Variants in ASTN2 observed in about 807,000 individuals in gnomAD.
ASTN2 encodes astrotactin-2.
ASTN2 carries 54 observed loss-of-function variants against 139.8 expected under a neutral mutation model. The ratio of observed to expected loss-of-function variants is 0.39; its 90% CI spans 0.31 to 0.48. The LOEUF (loss-of-function observed/expected upper bound fraction) is 0.48, where lower values mean the gene tolerates loss of function less well. Among genes scored for constraint, ASTN2 ranks in the 20% least tolerant of loss-of-function variants. The probability of loss-of-function intolerance (pLI) is 0.95; values close to 1 mark genes in which losing one functional copy is unlikely to be tolerated. For synonymous variants in ASTN2, 756 were observed against 719.5 expected, an observed-to-expected ratio of 1.05 and a Z score of -0.81; for missense variants, 1,565 against 1,725.1, an observed-to-expected ratio of 0.91 and a Z score of 1.64.
At chr9:116,478,113 G>A (rs897031666) in intron 20 of ASTN2, among the ~76,000 whole-genome samples, 1 of 147,192 alleles carries the variant, frequency 6.8e-6, no homozygotes, top group Non-Finnish European at 1.5e-5. Flanking sequence ...GAGAGGGAGG[G>A]GGTAGGGAGG....
chr9:116,682,639 A>T (rs1859955651), intron 16 of ASTN2, among the ~76,000 whole-genome samples: 1 of 152,212 alleles, frequency 6.6e-6, no homozygotes, highest in African/African-American at 2.4e-5. Flanking sequence ...ATGTCCAACA[A>T]TGATAGACTG....
rs141560856 is a variant in ASTN2, at chr9:116,691,403, T to C, written c.2806+34368A>G. 5.8e-3 allele frequency among the ~76,000 whole-genome samples: 882 copies of C among 152,258 alleles called. 10 individuals are homozygous for C. Among genetic ancestry groups the C allele is most frequent in the African/African-American group, 0.02 (830 of 41,524 alleles). ...GTACTACTCAAATGTTTGTGAAAGA[T>C]GCAAGGGAGTCTTTCTAGGTCCTGC... On this transcript the variant is annotated intron_variant, in intron 16 of 22. Coordinates refer to ENST00000313400, the MANE Select transcript of ASTN2 (RefSeq NM_001365068.1).
chr9:117,370,722 C>T (rs1362378987), intron 1 of ASTN2, among the ~76,000 whole-genome samples: 1 of 151,786 alleles, frequency 6.6e-6, no homozygotes, highest in Non-Finnish European at 1.5e-5. Flanking sequence ...TTTTTTCCCC[C>T]TAGAGACAGA....
intron 19 of ASTN2, among the ~76,000 whole-genome samples, chr9:116,513,841 T>G (rs1850518425): frequency 6.6e-6 from 1 of 152,140 alleles, no homozygotes; most frequent in Admixed American, 6.5e-5. Flanking sequence ...GCCATGGTTT[T>G]CAGCTCCATC....
At chr9:117,384,789 A>C (rs558688601) in intron 1 of ASTN2, among the ~76,000 whole-genome samples, 1 of 152,260 alleles carries the variant, frequency 6.6e-6, no homozygotes, top group African/African-American at 2.4e-5. Context: ...TCCCAATCCT[A>C]CTTCAATCCC....
chr9:116,975,022 C>T (rs554394888), intron 10 of ASTN2, among the ~76,000 whole-genome samples, 186 bp downstream of exon 10: 8 of 152,236 alleles, frequency 5.3e-5, no homozygotes, highest in African/African-American at 1.9e-4. Context: ...AGTGTTGAAA[C>T]GTAAGGCATT....
intron 4 of ASTN2, among the ~76,000 whole-genome samples, chr9:117,109,119 TA>T (rs1217065801): frequency 1.3e-5 from 2 of 151,606 alleles, no homozygotes; most frequent in Non-Finnish European, 2.9e-5. Flanking sequence ...CCGTCTCTAC[TA>T]AAAATACAAA....
intron 4 of ASTN2, among the ~76,000 whole-genome samples, chr9:117,126,096 C>G (rs1483899759): frequency 1.3e-5 from 2 of 152,046 alleles, no homozygotes; most frequent in African/African-American, 4.8e-5. Flanking sequence ...CCAGTTTACA[C>G]AGATGGCATA....
At chr9:116,633,531 G>C (rs961243019) in intron 17 of ASTN2, among the ~76,000 whole-genome samples, 2 of 152,228 alleles carry the variant, frequency 1.3e-5, no homozygotes, top group African/African-American at 2.4e-5. Flanking sequence ...CCTGTGGTGA[G>C]AACATCTGGA....
intron 13 of ASTN2, among the ~76,000 whole-genome samples, chr9:116,793,894 T>G (rs1274750408): frequency 1.3e-5 from 2 of 151,916 alleles, no homozygotes; most frequent in Non-Finnish European, 2.9e-5. Flanking sequence ...TTAGATAGGG[T>G]TTTCATGCAT....
At position 117,008,201 on chromosome 9, in the gene ASTN2, C is replaced by T. The variant is rs3761845; in HGVS notation, c.1482G>A (p.Pro494=). 891,793 of 1,609,010 alleles carry T rather than the reference C, an allele frequency of 0.55. 255,371 individuals are homozygous for T. Among genetic ancestry groups the T allele is most frequent in the East Asian group, 0.76 (33,705 of 44,504 alleles). ...SYLDISDWLN[P]AKLSLYYQIN... ...TCTGGTAATACAGGGAAAGCTTGGC[C>T]GGGTTTAACCAGTCGGAGATGTCCA... The change falls in exon 7 of 23, where the codon CCG becomes CCA. Residue 494 remains proline, a synonymous_variant. Coordinates refer to ENST00000313400, the MANE Select transcript of ASTN2 (RefSeq NM_001365068.1).
At chr9:116,497,420 A>G (rs865995689) in intron 19 of ASTN2, among the ~76,000 whole-genome samples, 1 of 152,216 alleles carries the variant, frequency 6.6e-6, no homozygotes, top group Non-Finnish European at 1.5e-5. Flanking sequence ...TCTGACCCAC[A>G]GGAACAAAAC....
chr9:116,838,838 T>C (rs1480310918), intron 11 of ASTN2, among the ~76,000 whole-genome samples: 1 of 152,314 alleles, frequency 6.6e-6, no homozygotes, highest in Non-Finnish European at 1.5e-5. Flanking sequence ...AGACTTTCAG[T>C]GCTAACTGCT....
intron 11 of ASTN2, among the ~76,000 whole-genome samples, chr9:116,838,101 G>GGTT (rs1832062363): frequency 7.5e-6 from 1 of 134,138 alleles, no homozygotes; most frequent in Non-Finnish European, 1.6e-5. Flanking sequence ...GCCTGGCTGT[G>GGTT]TTTTTTTTTG....
intron 2 of ASTN2, among the ~76,000 whole-genome samples, chr9:117,288,906 TA>T (rs1834515299): frequency 6.6e-6 from 1 of 152,164 alleles, no homozygotes; most frequent in African/African-American, 2.4e-5. Context: ...CAAAAGCAAA[TA>T]CCCTTAAGTG....
chr9:117,009,713 T>C (rs1266665887), intron 6 of ASTN2, among the ~76,000 whole-genome samples: 3 of 152,224 alleles, frequency 2.0e-5, no homozygotes, highest in African/African-American at 4.8e-5. Context: ...CATCTTTGTG[T>C]ATGCAATTCA....
intron 19 of ASTN2, among the ~76,000 whole-genome samples, chr9:116,596,216 G>A (rs1393905964): frequency 6.6e-6 from 1 of 152,134 alleles, no homozygotes; most frequent in Non-Finnish European, 1.5e-5. Context: ...TTATATGAGA[G>A]GTATCTAAAA....
intron 19 of ASTN2, among the ~76,000 whole-genome samples, chr9:116,522,089 A>C (rs1332138387): frequency 6.6e-6 from 1 of 152,160 alleles, no homozygotes; most frequent in Non-Finnish European, 1.5e-5. Flanking sequence ...TACAACCACT[A>C]TCGAAAACAA....
At chr9:116,859,987 C>T (rs1832835225) in intron 11 of ASTN2, among the ~76,000 whole-genome samples, 1 of 152,194 alleles carries the variant, frequency 6.6e-6, no homozygotes, top group Non-Finnish European at 1.5e-5. Flanking sequence ...CTTAAATGAC[C>T]TTGTGGTGGA....
Sources: gnomAD v4.1 joint callset for allele counts (sites outside exome capture counted in the v4.1 genomes callset) on GRCh38, gnomAD v4.1.1 for gene constraint, MANE v1.5 for transcripts, NCBI Gene and HGNC (gene_info 2026-07-23, HGNC 2026-07-21) for gene names.